Variants in TRAPPC8 observed in about 807,000 individuals in gnomAD.
The protein encoded by TRAPPC8 is general sporulation gene 1 homolog.
A neutral mutation model predicts 174.3 loss-of-function variants in TRAPPC8; 54 were observed. The observed-to-expected ratio is 0.31, with a 90% CI of 0.25 to 0.39. The LOEUF (loss-of-function observed/expected upper bound fraction) is 0.39, where lower values mean the gene tolerates loss of function less well. Ranked by LOEUF, TRAPPC8 falls within the 10% of genes least tolerant of loss-of-function variation. The probability of loss-of-function intolerance (pLI) is 1.00; values close to 1 mark genes in which losing one functional copy is unlikely to be tolerated. For synonymous variants in TRAPPC8, 630 were observed against 579.9 expected, an observed-to-expected ratio of 1.09 and a Z score of -1.24; for missense variants, 1,531 against 1,699.1, an observed-to-expected ratio of 0.90 and a Z score of 1.74.
At chr18:31,832,249 A>C (rs569887815) in intron 27 of TRAPPC8, 76 bp from the exon 28 acceptor site, 197 of 785,220 alleles carry the variant, frequency 2.5e-4, no homozygotes, top group Middle Eastern at 8.0e-4. Context: ...ATAACACTTA[A>C]GACTATGTAA....
At chr18:31,839,939 T>C (rs1257459514) in intron 26 of TRAPPC8, among the ~76,000 whole-genome samples, 1 of 152,196 alleles carries the variant, frequency 6.6e-6, no homozygotes, top group African/African-American at 2.4e-5. Flanking sequence ...CTGCATTGTA[T>C]AGTATAATCT....
chr18:31,866,591 G>T (rs2034597488), intron 18 of TRAPPC8, among the ~76,000 whole-genome samples: 1 of 152,000 alleles, frequency 6.6e-6, no homozygotes, highest in Non-Finnish European at 1.5e-5. Context: ...ACTAAATTTG[G>T]ATCAGTGACA....
intron 2 of TRAPPC8, among the ~76,000 whole-genome samples, chr18:31,929,812 A>T (rs139622689): frequency 1.3e-5 from 2 of 152,348 alleles, no homozygotes; most frequent in Non-Finnish European, 2.9e-5. Flanking sequence ...TGAGAGAAAA[A>T]TAACAGTTCA....
chr18:31,940,151 T>G (rs2038267711), intron 1 of TRAPPC8, among the ~76,000 whole-genome samples: 1 of 152,222 alleles, frequency 6.6e-6, no homozygotes, highest in Admixed American at 6.5e-5. Flanking sequence ...AGTAACATTT[T>G]GGAAATACTG....
chr18:31,862,233 A>T (rs575810439), intron 19 of TRAPPC8, among the ~76,000 whole-genome samples: 1 of 152,274 alleles, frequency 6.6e-6, no homozygotes, highest in African/African-American at 2.4e-5. Context: ...ATGCAATTCT[A>T]ATCAAAATTA....
rs762413235 is a variant in TRAPPC8, at chr18:31,916,290, C to G, written c.599G>C (p.Ser200Thr). 7 of 1,568,004 alleles carry G rather than the reference C, an allele frequency of 4.5e-6. No individual in the cohort carries two copies. In the South Asian group the frequency reaches 6.2e-5, roughly 14 times the overall value. The change falls in exon 4 of 29, where the codon AGT (serine) becomes ACT (threonine). Residue 200 changes from serine (S) to threonine (T), a missense_variant. Coordinates refer to ENST00000283351, the MANE Select transcript of TRAPPC8 (RefSeq NM_014939.5). ...LKYYVLLHDV[S>T]AGDEQRAESI... Reference sequence around the variant, plus strand: ...AACTTACCTCTGTTCATCTCCTGCACTTACATCATGTAAAAGTACATAGTA... The same window carrying G: ...AACTTACCTCTGTTCATCTCCTGCAGTTACATCATGTAAAAGTACATAGTA...
At chr18:31,858,382 T>A (rs768736033) in intron 19 of TRAPPC8, among the ~76,000 whole-genome samples, 2 of 152,190 alleles carry the variant, frequency 1.3e-5, no homozygotes, top group Non-Finnish European at 2.9e-5. Flanking sequence ...TATGTCTATA[T>A]CATCAAGATG....
chr18:31,939,586 CAACT>C (rs1405158078), intron 1 of TRAPPC8: 1 of 152,380 alleles, frequency 6.6e-6, no homozygotes, highest in African/African-American at 2.4e-5. Flanking sequence ...TGCTTTCTAC[CAACT>C]GTCTACCTGT....
intron 1 of TRAPPC8, among the ~76,000 whole-genome samples, chr18:31,936,290 C>T (rs1259523346): frequency 1.3e-5 from 2 of 151,506 alleles, no homozygotes; most frequent in Non-Finnish European, 2.9e-5. Flanking sequence ...AAAACCCCAT[C>T]TCTACAAAAA....
chr18:31,881,044 A>C (rs2035425677), intron 12 of TRAPPC8, among the ~76,000 whole-genome samples: 1 of 152,164 alleles, frequency 6.6e-6, no homozygotes, highest in South Asian at 2.1e-4. Flanking sequence ...GGAAAAATCA[A>C]TATAGTTAAA....
In TRAPPC8 at chr18:31,853,893, T is replaced by C. The variant is rs773047432; in HGVS notation, c.3389A>G (p.Lys1130Arg). 1 of 1,611,780 alleles carries C rather than the reference T, an allele frequency of 6.2e-7. No homozygotes were observed. The highest frequency in any genetic ancestry group is 1.7e-5 in the Admixed American group (1 of 59,510). Reference sequence around the variant, plus strand: ...TACAGATTTCTGTAACTTCCAGTGTTTGCTACTACTTGATACTTGCACTAT... The same window carrying C: ...TACAGATTTCTGTAACTTCCAGTGTCTGCTACTACTTGATACTTGCACTAT... The part of the protein sequence containing the change: ...FHIVQVSSSS[K>R]HWKLQKSVNL... The change falls in exon 22 of 29, where the codon AAA becomes AGA. Residue 1130 changes from lysine (K) to arginine (R), a missense_variant. Coordinates refer to ENST00000283351, the MANE Select transcript of TRAPPC8 (RefSeq NM_014939.5).
chr18:31,850,275 C>T (rs1314834931), intron 24 of TRAPPC8, among the ~76,000 whole-genome samples: 2 of 152,052 alleles, frequency 1.3e-5, no homozygotes, highest in East Asian at 1.9e-4. Flanking sequence ...ATCTTAAAGC[C>T]GTCACCCCAA....
intron 18 of TRAPPC8, among the ~76,000 whole-genome samples, chr18:31,865,019 C>A (rs2034520269): frequency 6.6e-6 from 1 of 152,062 alleles, no homozygotes; most frequent in African/African-American, 2.4e-5. Flanking sequence ...AAAGACTACA[C>A]ATTACTCAAT....
intron 10 of TRAPPC8, 21 bp from the exon 11 acceptor site, chr18:31,897,912 A>G (rs1475838283): frequency 1.3e-6 from 2 of 1,591,628 alleles, no homozygotes; most frequent in Non-Finnish European, 1.7e-6. Context: ...AAGGACAAGA[A>G]GATAAAATAG....
At chr18:31,873,408 G>A (rs779310396) in intron 14 of TRAPPC8, 22 bp downstream of exon 14, 4 of 1,566,856 alleles carry the variant, frequency 2.6e-6, no homozygotes, top group Non-Finnish European at 3.5e-6. Context: ...TAGGTAATTA[G>A]GCTAAATAAA....
intron 9 of TRAPPC8, among the ~76,000 whole-genome samples, chr18:31,906,717 G>T (rs186174012): frequency 2.4e-4 from 37 of 152,234 alleles, no homozygotes; most frequent in African/African-American, 6.7e-4. Context: ...CAAATTCTTT[G>T]GAAATACCTG....
Position 31,890,855 on chromosome 18 carries a change from A to G in TRAPPC8, c.1608T>C (p.Leu536=). Residue 536 remains leucine (L), a synonymous_variant, in exon 12 of 29, where the codon CTT becomes CTC. Coordinates refer to ENST00000283351, the MANE Select transcript of TRAPPC8 (RefSeq NM_014939.5). ...LIRLTSEDSD[L]RSALLLEQAA... is the part of the protein sequence containing the mutation. ...CCTGTTCCAAAAGAAGTGCACTTCG[A>G]AGATCAGAATCCTAGTGAATGTTTA... The G allele has an allele frequency of 6.2e-7, 1 of 1,610,196 alleles. No homozygotes were observed. The highest frequency in any genetic ancestry group is 8.5e-7 in the Non-Finnish European group (1 of 1,178,070).
chr18:31,879,189 G>A (rs2035302148), intron 12 of TRAPPC8, among the ~76,000 whole-genome samples: 1 of 152,060 alleles, frequency 6.6e-6, no homozygotes, highest in African/African-American at 2.4e-5. Context: ...TCTTATCTGT[G>A]CATGGAACAT....
In TRAPPC8 at chr18:31,853,834, G is replaced by C. The variant is rs200174381; in HGVS notation, c.3433+15C>G. The stretch of plus-strand genomic sequence containing the variant: ...AGTTTCAAAATTTATTATGTAGCAG[G>C]AAAAACAAACAAACCTTTGTTTTCA... On this transcript the variant is annotated intron_variant, in intron 22 of 28. Coordinates refer to ENST00000283351, the MANE Select transcript of TRAPPC8 (RefSeq NM_014939.5). The C allele has an allele frequency of 8.8e-6, 14 of 1,585,520 alleles. No individual in the cohort carries two copies. The highest frequency in any genetic ancestry group is 1.2e-5 in the Non-Finnish European group (14 of 1,166,094).
Sources: gnomAD v4.1 joint callset for allele counts (sites outside exome capture counted in the v4.1 genomes callset) on GRCh38, gnomAD v4.1.1 for gene constraint, MANE v1.5 for transcripts, NCBI Gene and HGNC (gene_info 2026-07-23, HGNC 2026-07-21) for gene names.